The following MB21D2 variants were observed in gnomAD, a reference collection of about 807,000 sequenced individuals.
The protein encoded by MB21D2 is Mab-21 domain containing 2, also known as nucleotidyltransferase MB21D2.
A neutral mutation model predicts 33.3 loss-of-function variants in MB21D2; 9 were observed. That is an observed-to-expected ratio of 0.27 (90% confidence interval 0.16 to 0.47). The LOEUF (loss-of-function observed/expected upper bound fraction) is 0.47, where lower values mean the gene tolerates loss of function less well. Among genes scored for constraint, MB21D2 ranks in the 20% least tolerant of loss-of-function variants. The pLI, the probability that MB21D2 is intolerant of heterozygous loss-of-function variation, is 0.99. For missense variants in MB21D2, 540 were observed against 624.6 expected, an observed-to-expected ratio of 0.86 and a Z score of 1.44; for synonymous variants, 241 against 236.3, an observed-to-expected ratio of 1.02 and a Z score of -0.18.
At chr3:192,917,586 C>T in intron 1 of MB21D2, 44 bp downstream of exon 1, 4 of 1,411,330 alleles carry the variant, frequency 2.8e-6, no homozygotes, top group African/African-American at 1.4e-5. Context: ...CGCTTCCCAT[C>T]ACACACACAC....
intron 1 of MB21D2, among the ~76,000 whole-genome samples, chr3:192,836,227 C>G (rs1397080889): frequency 6.6e-6 from 1 of 152,120 alleles, no homozygotes; most frequent in East Asian, 1.9e-4. Context: ...TCTGAAAAAG[C>G]AGAAAATGGA....
rs373942693 is a variant in MB21D2 at position 192,798,612 on chromosome 3, T to C, written c.1250A>G (p.His417Arg). The change falls in exon 2 of 2, where the codon CAT becomes CGT. Residue 417 changes from histidine to arginine, a missense_variant. His to Arg is a conservative substitution (Grantham distance 29). Coordinates refer to ENST00000392452, the MANE Select transcript of MB21D2 (RefSeq NM_178496.4). This position sits in a 1 kb window ranked among gnomAD's most constrained non-coding sequence, Gnocchi z 4.8. ...PAEHLRTAIE[H>R]VKAANRLTLE... Reference sequence around the variant, plus strand: ...TGTCAGCCGGTTGGCTGCCTTGACATGCTCAATGGCGGTGCGCAAGTGCTC... The same window carrying C: ...TGTCAGCCGGTTGGCTGCCTTGACACGCTCAATGGCGGTGCGCAAGTGCTC... The C allele has an allele frequency of 8.7e-6, 14 of 1,613,938 alleles. No homozygotes were observed. In the African/African-American group the frequency reaches 1.6e-4, roughly 18 times the overall value.
intron 1 of MB21D2, among the ~76,000 whole-genome samples, chr3:192,806,723 A>G (rs1368643445): frequency 1.3e-5 from 2 of 152,190 alleles, no homozygotes; most frequent in African/African-American, 2.4e-5. Flanking sequence ...ATAATATGAA[A>G]GCCTGTCAGC....
At chr3:192,914,595 C>T (rs1461401812) in intron 1 of MB21D2, among the ~76,000 whole-genome samples, 3 of 152,282 alleles carry the variant, frequency 2.0e-5, no homozygotes, top group Non-Finnish European at 4.4e-5. Context: ...GCCAGCCTTT[C>T]GCACAGTCTG....
intron 1 of MB21D2, among the ~76,000 whole-genome samples, chr3:192,824,232 T>C (rs928413753): frequency 4.6e-5 from 7 of 152,196 alleles, no homozygotes; most frequent in Non-Finnish European, 1.0e-4. Flanking sequence ...ATTCAATTTG[T>C]TGGATCAAAG....
intron 1 of MB21D2, among the ~76,000 whole-genome samples, chr3:192,855,976 G>A (rs1347803504): frequency 6.6e-6 from 1 of 152,190 alleles, no homozygotes; most frequent in Admixed American, 6.5e-5. Context: ...AGAATCACTT[G>A]AACCTATGAG....
chr3:192,829,782 A>G (rs980723833), intron 1 of MB21D2, among the ~76,000 whole-genome samples: 2 of 152,214 alleles, frequency 1.3e-5, no homozygotes, highest in African/African-American at 4.8e-5. Context: ...GCTGGAGTGC[A>G]GTGGCACGAT....
intron 1 of MB21D2, among the ~76,000 whole-genome samples, chr3:192,877,930 C>T (rs1713468739): frequency 6.6e-6 from 1 of 150,774 alleles, no homozygotes; most frequent in South Asian, 2.1e-4. Context: ...TTTGGGGTTC[C>T]CAAATAAATC....
At chr3:192,907,491 A>G (rs943067587) in intron 1 of MB21D2, among the ~76,000 whole-genome samples, 1 of 152,174 alleles carries the variant, frequency 6.6e-6, no homozygotes, top group African/African-American at 2.4e-5. Flanking sequence ...TGACTGCGGC[A>G]GAAGACACCC....
At chr3:192,812,178 G>A (rs1294914737) in intron 1 of MB21D2, among the ~76,000 whole-genome samples, 1 of 152,038 alleles carries the variant, frequency 6.6e-6, no homozygotes, top group Non-Finnish European at 1.5e-5. Flanking sequence ...CTCCCGAGTA[G>A]CTGGGACTAC....
At chr3:192,889,139 A>AACAAACAGATACACACAC (rs1713795916) in intron 1 of MB21D2, among the ~76,000 whole-genome samples, 1 of 152,156 alleles carries the variant, frequency 6.6e-6, no homozygotes, top group Non-Finnish European at 1.5e-5. Flanking sequence ...TGATGTATTC[A>AACAAACAGATACACACAC]ACAAACAGAT....
At chr3:192,830,258 GTGTGTGT>G (rs781518787) in intron 1 of MB21D2, among the ~76,000 whole-genome samples, 1 of 151,964 alleles carries the variant, frequency 6.6e-6, no homozygotes, top group East Asian at 1.9e-4. Context: ...GTGTGTGTGT[GTGTGTGT>G]GTGTGGGTGT....
intron 1 of MB21D2, among the ~76,000 whole-genome samples, chr3:192,876,584 G>A (rs1217491522): frequency 6.6e-6 from 1 of 152,156 alleles, no homozygotes; most frequent in African/African-American, 2.4e-5. Context: ...TTAAAACGCT[G>A]CAATAGATGT....
chr3:192,848,914 G>C (rs1712727907), intron 1 of MB21D2, among the ~76,000 whole-genome samples: 1 of 152,136 alleles, frequency 6.6e-6, no homozygotes, highest in Non-Finnish European at 1.5e-5. Context: ...GAGAAGAAAA[G>C]AAAACAAATG....
chr3:192,838,264 CAA>C (rs897775624), intron 1 of MB21D2, among the ~76,000 whole-genome samples: 2 of 152,108 alleles, frequency 1.3e-5, no homozygotes, highest in African/African-American at 2.4e-5. Context: ...GGAAGTGATC[CAA>C]GAGAGAGCAA....
At position 192,821,606 on chromosome 3, in the gene MB21D2, G is replaced by A. The variant is rs565633838; in HGVS notation, c.212-21956C>T. 1.3e-4 allele frequency among the ~76,000 whole-genome samples: 20 copies of A among 152,314 alleles called. No homozygotes were observed. In the East Asian group the frequency reaches 3.1e-3, roughly 24 times the overall value. ...TTCTACCAATTAGGTTCATTGTCAC[G>A]ATTAAAAGGGAAACTGGAAATTGCT... On this transcript the variant is annotated intron_variant, in intron 1 of 1. Coordinates refer to ENST00000392452, the MANE Select transcript of MB21D2 (RefSeq NM_178496.4).
intron 1 of MB21D2, among the ~76,000 whole-genome samples, chr3:192,854,952 G>T (rs931988652): frequency 2.6e-5 from 4 of 152,168 alleles, no homozygotes; most frequent in Admixed American, 2.6e-4. Flanking sequence ...AATGCACTTG[G>T]TCACTCAAGC....
Position 192,917,782 on chromosome 3 carries a change from G to A in MB21D2, c.59C>T (p.Pro20Leu). Residue 20 changes from proline to leucine, a missense_variant, in exon 1 of 2, where the codon CCT (proline) becomes CTT (leucine). Physicochemically the swap from Pro to Leu is moderately conservative, Grantham distance 98. Coordinates refer to ENST00000392452, the MANE Select transcript of MB21D2 (RefSeq NM_178496.4). ...KAASLGCNNKPAFPELDFRSG... is the reference protein window; with the variant it reads ...KAASLGCNNKLAFPELDFRSG... ...CCTGAAATCCAGCTCCGGGAACGCA[G>A]GCTTGTTGTTACAGCCCAGGGAGGC... is the stretch of plus-strand genomic sequence containing the variant. 6.2e-7 allele frequency: 1 copy of A among 1,613,730 alleles called. No homozygotes were observed. Among genetic ancestry groups the A allele is most frequent in the Non-Finnish European group, 8.5e-7 (1 of 1,180,022 alleles).
rs142659431 is a variant in MB21D2 at position 192,878,968 on chromosome 3, A to G, written c.211+38662T>C. ...TATGGAGGGACACTCTGTCTCTCAAAAAAAGAAGAAGAAGAAAAAAGAATC... is the reference window on the plus strand; with the variant it reads ...TATGGAGGGACACTCTGTCTCTCAAGAAAAGAAGAAGAAGAAAAAAGAATC... On this transcript the variant is annotated intron_variant, in intron 1 of 1. Transcript: ENST00000392452. Among the ~76,000 whole-genome samples the G allele has an allele frequency of 7.7e-4, 117 of 152,322 alleles. 1 individual carries two copies. The highest frequency in any genetic ancestry group is 2.7e-3 in the African/African-American group (114 of 41,570).
Sources: allele counts gnomAD v4.1 joint callset (sites outside exome capture counted in the v4.1 genomes callset), GRCh38; gene constraint gnomAD v4.1.1; non-coding constraint Gnocchi (gnomAD v3.1); transcripts MANE v1.5; gene names NCBI Gene and HGNC (gene_info 2026-07-23, HGNC 2026-07-21).